SPAG8: variants seen among roughly 807,000 people sequenced by gnomAD.
The protein encoded by SPAG8 is sperm-associated antigen 8.
In SPAG8, 36 loss-of-function variants were observed where a neutral mutation model predicts 45.3. The observed-to-expected ratio is 0.80, with a 90% CI of 0.61 to 1.05. SPAG8 has a LOEUF of 1.05. Ranked by LOEUF, SPAG8 falls within the 50% of genes least tolerant of loss-of-function variation. The probability of loss-of-function intolerance (pLI) is 0.00; values close to 1 mark genes in which losing one functional copy is unlikely to be tolerated. For missense variants in SPAG8, 573 were observed against 609.2 expected, an observed-to-expected ratio of 0.94 and a Z score of 0.63; for synonymous variants, 227 against 232.6, an observed-to-expected ratio of 0.98 and a Z score of 0.22.
In SPAG8 at chr9:35,812,118, C is replaced by T. The variant is rs756458893; in HGVS notation, c.30G>A (p.Ser10=). 1 of 1,609,134 alleles carries T rather than the reference C, an allele frequency of 6.2e-7. No homozygotes were observed. The highest frequency in any genetic ancestry group is 1.3e-5 in the African/African-American group (1 of 74,952). The stretch of plus-strand genomic sequence containing the variant: ...GCGGCTCTCACCGCGACCGCGACCG[C>T]GATCCCTCCGTAGACTCGTTGGTCT... METNESTEG[S]RSRSRSLDIQ... is the part of the protein sequence containing the mutation. Residue 10 remains serine, a synonymous_variant, in exon 1 of 7, where the codon TCG becomes TCA. Transcript: ENST00000396638.
chr9:35,810,431 G>A lies in SPAG8; in HGVS notation c.1200+8C>T. 1.9e-6 allele frequency: 3 copies of A among 1,610,442 alleles called. No individual in the cohort carries two copies. Among genetic ancestry groups the A allele is most frequent in the Non-Finnish European group, 1.7e-6 (2 of 1,176,952 alleles). On this transcript the variant is annotated splice_region_variant and intron_variant, in intron 5 of 6. Coordinates refer to ENST00000396638, the MANE Select transcript of SPAG8 (RefSeq NM_001039592.2). ...GCAAGTGGCGGGGGATGGGGGGTGG[G>A]TTCTCACCTTTGTTGGGGCAGGAGT...
At position 35,811,814 on chromosome 9, in the gene SPAG8, C is replaced by A. The variant is rs1355186389; in HGVS notation, c.232G>T (p.Ala78Ser). The A allele has an allele frequency of 1.9e-6, 3 of 1,613,510 alleles. No homozygotes were observed. Among genetic ancestry groups the A allele is most frequent in the South Asian group, 1.1e-5 (1 of 91,074 alleles). Residue 78 changes from alanine (A) to serine (S), a missense_variant, in exon 2 of 7, where the codon GCG becomes TCG. Ala to Ser is a moderately conservative substitution (Grantham distance 99). Transcript: ENST00000396638. ...GGCTCCATGAACTCAGAACAGGGCGCTGGGGTCTTTGTAGATAATGCAGCT... is the reference window on the plus strand; with the variant it reads ...GGCTCCATGAACTCAGAACAGGGCGATGGGGTCTTTGTAGATAATGCAGCT... ...KAAALSTKTP[A>S]PCSEFMEPSS...
rs540338519 is a variant in SPAG8 at position 35,812,023 on chromosome 9, A to G, written c.45-22T>C. ...AGATCTGAAAGAAAGCAAACACGAC[A>G]TGGCTGTCAAAAGCGCAGCAGAGGA... On this transcript the variant is annotated intron_variant, in intron 1 of 6. Coordinates refer to ENST00000396638, the MANE Select transcript of SPAG8 (RefSeq NM_001039592.2). 1,358 of 1,608,224 alleles carry G rather than the reference A, an allele frequency of 8.4e-4. 32 individuals carry two copies. The South Asian group carries it at 0.015, about 17-fold the overall frequency.
chr9:35,810,745 T>C lies in SPAG8; in HGVS notation c.1040-63A>G, dbSNP rs1309812571. The C allele has an allele frequency of 4.4e-6, 7 of 1,607,740 alleles. No homozygotes were observed. In the African/African-American group the frequency reaches 5.4e-5, roughly 12 times the overall value. ...GTTAAGAAGGAGGCCCAGAAGAAAC[T>C]AACTTGAGAAAAGGAAGAAGAACCT... On this transcript the variant is annotated intron_variant, in intron 3 of 6. Transcript: ENST00000396638.
rs1373010151 is a variant in SPAG8 at position 35,810,622 on chromosome 9, T to A, written c.1085+15A>T. On this transcript the variant is annotated intron_variant, in intron 4 of 6. Transcript: ENST00000396638. Reference sequence around the variant, plus strand: ...TCTCCTCCCCATCCCTCTTCCCCTTTACCCAATCCCTTACCAGATCTGATG... The same window carrying A: ...TCTCCTCCCCATCCCTCTTCCCCTTAACCCAATCCCTTACCAGATCTGATG... The A allele has an allele frequency of 6.2e-6, 10 of 1,613,946 alleles. No individual in the cohort carries two copies. The highest frequency in any genetic ancestry group is 3.3e-5 in the Admixed American group (2 of 59,990).
At chr9:35,808,988 T>C, downstream of SPAG8, 1 of 935,016 alleles carries the variant, frequency 1.1e-6, no homozygotes, top group South Asian at 1.3e-5. This position sits in a 1 kb window ranked among gnomAD's most constrained non-coding sequence, Gnocchi z 4.0. Context: ...ATTTTGGTTC[T>C]AATAGATATG....
rs763527635 is a variant in SPAG8 at position 35,810,936 on chromosome 9, G to A, written c.986C>T (p.Thr329Ile). The stretch of plus-strand genomic sequence containing the variant: ...TGGCTGGTACGAGTCTTTCTGGGTG[G>A]TGCTGGAGGGCATGGGTGACTTTAG... ...MQLKSPMPSSTTQKDSYQPPG... is the reference protein window; with the variant it reads ...MQLKSPMPSSITQKDSYQPPG... Residue 329 changes from threonine to isoleucine, a missense_variant, in exon 3 of 7, where the codon ACC becomes ATC. Coordinates refer to ENST00000396638, the MANE Select transcript of SPAG8 (RefSeq NM_001039592.2). 34 of 1,614,110 alleles carry A rather than the reference G, an allele frequency of 2.1e-5. No individual in the cohort carries two copies. Among genetic ancestry groups the A allele is most frequent in the Non-Finnish European group, 2.9e-5 (34 of 1,180,026 alleles).
At position 35,812,020 on chromosome 9, in the gene SPAG8, G is replaced by GACAT; in HGVS notation, c.45-23_45-20dup. 6.2e-7 allele frequency: 1 copy of GACAT among 1,607,940 alleles called. No homozygotes were observed. Among genetic ancestry groups the GACAT allele is most frequent in the Non-Finnish European group, 8.5e-7 (1 of 1,177,206 alleles). On this transcript the variant is annotated intron_variant, in intron 1 of 6. Transcript: ENST00000396638. ...TAAAGATCTGAAAGAAAGCAAACAC[G>GACAT]ACATGGCTGTCAAAAGCGCAGCAGA...
At position 35,810,691 on chromosome 9, in the gene SPAG8, G is replaced by C; in HGVS notation, c.1040-9C>G. ...CATGGCTTCACGCTTCCCTGTGAGA[G>C]AGTTGGGGGGTGGGCAAGGTGGGGT... On this transcript the variant is annotated splice_polypyrimidine_tract_variant and intron_variant, in intron 3 of 6. Coordinates refer to ENST00000396638, the MANE Select transcript of SPAG8 (RefSeq NM_001039592.2). 1 of 1,614,154 alleles carries C rather than the reference G, an allele frequency of 6.2e-7. No individual in the cohort carries two copies. Among genetic ancestry groups the C allele is most frequent in the Non-Finnish European group, 8.5e-7 (1 of 1,180,004 alleles).
downstream of SPAG8, chr9:35,808,063 AT>A (rs1828506935): frequency 7.6e-6 from 6 of 788,890 alleles, no homozygotes; most frequent in East Asian, 1.5e-4. This position sits in a 1 kb window ranked among gnomAD's most constrained non-coding sequence, Gnocchi z 4.0. Flanking sequence ...AAACAATGGC[AT>A]TTATTCTCTT....
chr9:35,812,252 C>G lies in SPAG8; in HGVS notation c.-105G>C, dbSNP rs1265027789. 1.6e-5 allele frequency: 21 copies of G among 1,305,788 alleles called. No individual in the cohort carries two copies. The highest frequency in any genetic ancestry group is 1.1e-6 in the Non-Finnish European group (1 of 937,650). 80.9% of individuals were successfully genotyped at this position (1,305,788 alleles called of 1,614,324 possible). Reference sequence around the variant, plus strand: ...TTGCAGGTGGCGGTGGAGGCAAGTCCTCTGCGGGGCGGAAGTCTTCAGCCT... The same window carrying G: ...TTGCAGGTGGCGGTGGAGGCAAGTCGTCTGCGGGGCGGAAGTCTTCAGCCT... On this transcript the variant is annotated 5_prime_UTR_variant, in exon 1 of 7. Transcript: ENST00000396638.
rs1828730145 is a variant in SPAG8, at chr9:35,810,508, C to T, written c.1131G>A (p.Glu377=). ...AGTCATGGTGTGTCACAGACTCAACCTCGAAGAGCTTCCTTGTGGGTTCCT... is the reference window on the plus strand; with the variant it reads ...AGTCATGGTGTGTCACAGACTCAACTTCGAAGAGCTTCCTTGTGGGTTCCT... ...AEQEPTRKLF[E]VESVTHHDYR... Residue 377 remains glutamate, a synonymous_variant, in exon 5 of 7, where the codon GAG becomes GAA. Transcript: ENST00000396638. The T allele has an allele frequency of 6.2e-7, 1 of 1,614,080 alleles. No individual in the cohort carries two copies. Among genetic ancestry groups the T allele is most frequent in the Non-Finnish European group, 8.5e-7 (1 of 1,180,054 alleles).
Position 35,810,642 on chromosome 9 carries a change from C to G in SPAG8, c.1080G>C (p.Gln360His). 2 of 1,614,166 alleles carry G rather than the reference C, an allele frequency of 1.2e-6. No homozygotes were observed. The highest frequency in any genetic ancestry group is 1.7e-6 in the Non-Finnish European group (2 of 1,180,028). Residue 360 changes from glutamine to histidine, a missense_variant, in exon 4 of 7, where the codon CAG becomes CAC. Physicochemically the swap from Gln to His is conservative, Grantham distance 24. Transcript: ENST00000396638. Reference sequence around the variant, plus strand: ...CCCTTTACCCAATCCCTTACCAGATCTGATGCTGCAGGAGCATCTCCAGCA... The same window carrying G: ...CCCTTTACCCAATCCCTTACCAGATGTGATGCTGCAGGAGCATCTCCAGCA... ...EAMLEMLLQH[Q>H]ICKEVQAEQE...
rs1772564475 is a variant in SPAG8 at position 35,811,463 on chromosome 9, G to A, written c.583C>T (p.Pro195Ser). The change falls in exon 2 of 7, where the codon CCT becomes TCT. Residue 195 changes from proline to serine, a missense_variant. Physicochemically the swap from Pro to Ser is moderately conservative, Grantham distance 74 (BLOSUM62 -1). Transcript: ENST00000396638. ...PGHGSGSHPGPASGPGPDTGP... is the reference protein window; with the variant it reads ...PGHGSGSHPGSASGPGPDTGP... The stretch of plus-strand genomic sequence containing the variant: ...GTGTCTGGACCAGGCCCAGAGGCAG[G>A]ACCAGGATGAGAGCCAGAGCCATGA... 1.2e-6 allele frequency: 2 copies of A among 1,613,630 alleles called. No individual in the cohort carries two copies. The highest frequency in any genetic ancestry group is 2.7e-5 in the African/African-American group (2 of 74,990).
downstream of SPAG8, chr9:35,809,614 C>A (rs1828655032): frequency 8.5e-7 from 1 of 1,175,408 alleles, no homozygotes; most frequent in Non-Finnish European, 1.3e-6. The surrounding 1 kb of genome is among the most constrained non-coding windows in gnomAD (Gnocchi z 4.1). Context: ...CAGCCCTGTA[C>A]ATATACCTGT....
Position 35,811,562 on chromosome 9 carries a change from C to G in SPAG8, c.484G>C (p.Gly162Arg). The change falls in exon 2 of 7, where the codon GGT becomes CGT. Residue 162 changes from glycine (G) to arginine (R), a missense_variant. By Grantham distance (125) the Gly-to-Arg change is moderately radical. Transcript: ENST00000396638. Reference sequence around the variant, plus strand: ...CCAGGGACAGAGCCACAGCCAGGACCAGAGCCAGAGCCAGAGCCATGGCCA... The same window carrying G: ...CCAGGGACAGAGCCACAGCCAGGACGAGAGCCAGAGCCAGAGCCATGGCCA... ...GAGHGSGSGS[G>R]PGCGSVPGSG... 1 of 1,612,236 alleles carries G rather than the reference C, an allele frequency of 6.2e-7. No homozygotes were observed. Among genetic ancestry groups the G allele is most frequent in the Non-Finnish European group, 8.5e-7 (1 of 1,178,998 alleles).
In SPAG8 at chr9:35,811,841, C is replaced by A. The variant is rs13299596; in HGVS notation, c.205G>T (p.Ala69Ser). The A allele has an allele frequency of 1.9e-6, 3 of 1,612,288 alleles. No homozygotes were observed. The highest frequency in any genetic ancestry group is 2.5e-6 in the Non-Finnish European group (3 of 1,178,520). ...GGGGTCTTTGTAGATAATGCAGCTG[C>A]TTTGGCAGTGGTGAAGGCTGCAGTA... ...AATAAFTTAKAAALSTKTPAP... is the reference protein window; with the variant it reads ...AATAAFTTAKSAALSTKTPAP... The change falls in exon 2 of 7, where the codon GCA (alanine) becomes TCA (serine). Residue 69 changes from alanine to serine, a missense_variant. Coordinates refer to ENST00000396638, the MANE Select transcript of SPAG8 (RefSeq NM_001039592.2).
At chr9:35,810,849 G>A (rs1328238312) in intron 3 of SPAG8, 34 bp downstream of exon 3, 1 of 1,604,464 alleles carries the variant, frequency 6.2e-7, no homozygotes, top group Non-Finnish European at 8.5e-7. Context: ...CTGAGTAATG[G>A]GCTCGTTCTG....
In SPAG8 at chr9:35,811,942, G is replaced by GA; in HGVS notation, c.103dup (p.Ser35PhefsTer4). ...GGCCGACCTGGGACTGTCATCTGAA[G>GA]AAGGAAACGGTTCCGAAGTGGGCCC... On this transcript the variant is annotated frameshift_variant, in exon 2 of 7. Transcript: ENST00000396638. LOFTEE classifies it high-confidence loss of function. The GA allele has an allele frequency of 1.2e-6, 2 of 1,602,928 alleles. No individual in the cohort carries two copies. Among genetic ancestry groups the GA allele is most frequent in the Non-Finnish European group, 1.7e-6 (2 of 1,172,006 alleles).
Sources: allele counts gnomAD v4.1 joint callset, GRCh38; gene constraint gnomAD v4.1.1; non-coding constraint Gnocchi (gnomAD v3.1); transcripts MANE v1.5; gene names NCBI Gene and HGNC (gene_info 2026-07-23, HGNC 2026-07-21).